IGSF5: variants seen among roughly 807,000 people sequenced by gnomAD.
IGSF5 encodes immunoglobulin superfamily member 5.
IGSF5 carries 41 observed loss-of-function variants against 39.4 expected under a neutral mutation model. The ratio of observed to expected loss-of-function variants is 1.04; its 90% CI spans 0.81 to 1.35. The LOEUF (loss-of-function observed/expected upper bound fraction) is 1.35. IGSF5 is among the 40% of genes most tolerant of loss of function. IGSF5 has a pLI of 0.00. For missense variants in IGSF5, 487 were observed against 494.6 expected, an observed-to-expected ratio of 0.98 and a Z score of 0.15; for synonymous variants, 183 against 175.3, an observed-to-expected ratio of 1.04 and a Z score of -0.34.
At chr21:39,734,388 A>G in the IGSF5 span, among the ~76,000 whole-genome samples, 3 of 145,000 alleles carry the variant, frequency 2.1e-5, no homozygotes, top group Non-Finnish European at 3.0e-5. Context: ...ATGCCACTGC[A>G]CTCCAGCCTG....
At chr21:39,784,880 A>C (rs2080190350) in intron 5 of IGSF5, among the ~76,000 whole-genome samples, 1 of 152,090 alleles carries the variant, frequency 6.6e-6, no homozygotes, top group South Asian at 2.1e-4. Flanking sequence ...CCGACGGATT[A>C]ACTGACCACA....
At chr21:39,742,937 A>T (rs1033124584), upstream of IGSF5, among the ~76,000 whole-genome samples, 5 of 152,174 alleles carry the variant, frequency 3.3e-5, no homozygotes, top group African/African-American at 1.2e-4. Context: ...ACTGAGTGAT[A>T]AACTTATCCT....
chr21:39,714,653 T>C, the IGSF5 span, among the ~76,000 whole-genome samples: 12 of 152,208 alleles, frequency 7.9e-5, no homozygotes, highest in African/African-American at 2.7e-4. Context: ...CTTTGGCTTA[T>C]AGAAGCATCA....
At chr21:39,788,415 C>T (rs533383487) in intron 6 of IGSF5, among the ~76,000 whole-genome samples, 41 of 152,224 alleles carry the variant, frequency 2.7e-4, no homozygotes, top group Admixed American at 9.2e-4. Context: ...CTACCTTTGA[C>T]TTGCTCTGGT....
intron 8 of IGSF5, among the ~76,000 whole-genome samples, chr21:39,794,766 T>G (rs1964539448): frequency 6.6e-6 from 1 of 152,182 alleles, no homozygotes; most frequent in Non-Finnish European, 1.5e-5. Context: ...GGGTTTGTTC[T>G]GCTAGGAGCT....
intron 7 of IGSF5, among the ~76,000 whole-genome samples, chr21:39,793,042 G>A (rs2086974718): frequency 6.6e-6 from 1 of 152,004 alleles, no homozygotes; most frequent in East Asian, 1.9e-4. Context: ...TGCCTCCCAT[G>A]TGTATTCCAG....
upstream of IGSF5, among the ~76,000 whole-genome samples, chr21:39,741,469 C>G (rs1057092318): frequency 5.3e-5 from 8 of 152,088 alleles, no homozygotes; most frequent in Admixed American, 3.3e-4. Context: ...CAGAGCTGAG[C>G]CTTTGGTTTG....
the IGSF5 span, among the ~76,000 whole-genome samples, chr21:39,726,936 G>A: frequency 2.0e-5 from 3 of 152,038 alleles, no homozygotes; most frequent in East Asian, 5.8e-4. Context: ...CAGCCTACAT[G>A]AACAATGGAA....
chr21:39,759,624 T>C (rs1183138035), intron 2 of IGSF5, among the ~76,000 whole-genome samples: 4 of 151,972 alleles, frequency 2.6e-5, no homozygotes, highest in African/African-American at 9.7e-5. Flanking sequence ...CCCAGCACTA[T>C]GGGAGGCTGA....
the IGSF5 span, among the ~76,000 whole-genome samples, chr21:39,739,894 G>C: frequency 6.6e-6 from 1 of 152,172 alleles, no homozygotes; most frequent in African/African-American, 2.4e-5. Context: ...GGATTCAAAT[G>C]TATGGCCTGG....
chr21:39,746,196 T>C lies in IGSF5; in HGVS notation c.18-20T>C, dbSNP rs972515456. The C allele has an allele frequency of 4.1e-5, 29 of 701,638 alleles. No homozygotes were observed. The highest frequency in any genetic ancestry group is 6.5e-5 in the Non-Finnish European group (25 of 384,742). 43.5% of individuals were successfully genotyped at this position (701,638 alleles called of 1,614,324 possible). A position where few individuals can be genotyped will look rare whatever the true frequency, so the allele number is the denominator to read the frequency against. On this transcript the variant is annotated intron_variant, in intron 1 of 8. Coordinates refer to ENST00000380588, the MANE Select transcript of IGSF5 (RefSeq NM_001080444.2). ...CCTTTAGCCTGATTGGAAGTGGCAA[T>C]GGGCGCCTCACTGGATCAGGAGCAC... is the stretch of plus-strand genomic sequence containing the variant.
At chr21:39,779,421 C>T in intron 5 of IGSF5, 116 bp downstream of exon 5, 22 of 1,304,638 alleles carry the variant, frequency 1.7e-5, no homozygotes, top group Non-Finnish European at 2.1e-5. Flanking sequence ...TATCACTTTA[C>T]CTCTATTAGA....
intron 2 of IGSF5, among the ~76,000 whole-genome samples, chr21:39,759,527 G>T (rs1400862635): frequency 1.3e-5 from 2 of 152,108 alleles, no homozygotes; most frequent in African/African-American, 4.8e-5. Context: ...TTGGTGGGCA[G>T]TGGATGAACT....
chr21:39,739,122 G>A, the IGSF5 span, among the ~76,000 whole-genome samples: 1 of 151,998 alleles, frequency 6.6e-6, no homozygotes, highest in Non-Finnish European at 1.5e-5. Flanking sequence ...TAGAGACGGG[G>A]TTTTGCCATA....
At chr21:39,794,055 T>C (rs1266615363) in intron 8 of IGSF5, among the ~76,000 whole-genome samples, 43 of 152,196 alleles carry the variant, frequency 2.8e-4, no homozygotes, top group Admixed American at 2.7e-3. Context: ...AAGGATGCAC[T>C]GGGTTTGAGG....
At chr21:39,790,733 AC>A (rs2086959202) in intron 6 of IGSF5, among the ~76,000 whole-genome samples, 1 of 152,216 alleles carries the variant, frequency 6.6e-6, no homozygotes, top group Admixed American at 6.5e-5. Context: ...GAACATAAGT[AC>A]TCATTTCTGT....
chr21:39,770,931 T>G lies in IGSF5; in HGVS notation c.434T>G (p.Phe145Cys). Residue 145 changes from phenylalanine to cysteine, a missense_variant, in exon 4 of 9, where the codon TTC becomes TGC. By Grantham distance (205) the Phe-to-Cys change is radical (BLOSUM62 -2). Transcript: ENST00000380588. ...TCTTCTTTAGTTATGGGAGAGCTGT[T>G]CATTCCCAGTGTTAATCTTGTAGTC... ...YLTVQVMGEL[F>C]IPSVNLVVAE... The G allele has an allele frequency of 6.4e-7, 1 of 1,569,214 alleles. No individual in the cohort carries two copies. Among genetic ancestry groups the G allele is most frequent in the African/African-American group, 1.4e-5 (1 of 73,832 alleles).
At chr21:39,781,748 A>G (rs1158892282) in intron 5 of IGSF5, among the ~76,000 whole-genome samples, 1 of 152,232 alleles carries the variant, frequency 6.6e-6, no homozygotes, top group Non-Finnish European at 1.5e-5. Context: ...CTACTGTTCC[A>G]TCTTTTTGTA....
At position 39,765,894 on chromosome 21, in the gene IGSF5, T is replaced by A. The variant is rs770644706; in HGVS notation, c.418+42T>A. 5.1e-6 allele frequency: 8 copies of A among 1,571,246 alleles called. No individual in the cohort carries two copies. The South Asian group carries it at 9.2e-5, about 18-fold the overall frequency. ...CTTCTGAAGTCCATCAGGTTAAATG[T>A]CAGAGGGCAGGAAGGACCTTCTAAA... On this transcript the variant is annotated intron_variant, in intron 3 of 8. Transcript: ENST00000380588.
Sources: allele counts gnomAD v4.1 joint callset (sites outside exome capture counted in the v4.1 genomes callset), GRCh38; gene constraint gnomAD v4.1.1; transcripts MANE v1.5; gene names NCBI Gene and HGNC (gene_info 2026-07-23, HGNC 2026-07-21).